Variants in CFAP20DC observed in about 807,000 individuals in gnomAD.
CFAP20DC encodes protein CFAP20DC.
Under a neutral mutation model 101.7 loss-of-function variants are expected in CFAP20DC, and 84 were observed. The ratio of observed to expected loss-of-function variants is 0.83; its 90% CI spans 0.69 to 0.99. CFAP20DC has a LOEUF of 0.99. CFAP20DC is among the 50% of genes least tolerant of loss of function. CFAP20DC has a pLI of 0.00. For missense variants in CFAP20DC, 1,007 were observed against 970.3 expected, an observed-to-expected ratio of 1.04 and a Z score of -0.50; for synonymous variants, 359 against 351.2, an observed-to-expected ratio of 1.02 and a Z score of -0.25.
intron 13 of CFAP20DC, among the ~76,000 whole-genome samples, chr3:58,848,702 G>T (rs1185582490): frequency 6.6e-6 from 1 of 152,052 alleles, no homozygotes; most frequent in East Asian, 1.9e-4. Flanking sequence ...GCAAGCTTTT[G>T]GCTCAAAAAT....
At chr3:58,765,490 CA>C (rs1337049385) in intron 15 of CFAP20DC, among the ~76,000 whole-genome samples, 1,485 of 81,780 alleles carry the variant, frequency 0.018, 29 homozygotes, top group African/African-American at 0.056. Context: ...AAAAAAAAAC[CA>C]AAAAAAAAAA....
In CFAP20DC at chr3:59,046,213, T is replaced by G. The variant is rs755282687; in HGVS notation, c.205+16A>C. On this transcript the variant is annotated intron_variant, in intron 3 of 16. Coordinates refer to ENST00000482387, the MANE Select transcript of CFAP20DC (RefSeq NM_001394063.1). ...AGTACAAAATGTTAAGTTTCAATAT[T>G]AAAAATATTACTTACGGCTTTGCTT... 2 of 1,501,538 alleles carry G rather than the reference T, an allele frequency of 1.3e-6. No homozygotes were observed. The highest frequency in any genetic ancestry group is 2.8e-5 in the African/African-American group (2 of 72,278). The allele number at this position is 1,501,538 out of a possible 1,614,324, so 93.0% of individuals were successfully genotyped here.
rs1273650787 is a variant in CFAP20DC, at chr3:58,717,843, C to T, written c.198-215G>A. On this transcript the variant is annotated intron_variant, in intron 3 of 3. Transcript: ENST00000486145. This position sits in a 1 kb window ranked among gnomAD's most constrained non-coding sequence, Gnocchi z 4.1. Reference sequence around the variant, plus strand: ...GGAGGGCGTATTCTAACTGGGTATACTGCAGCCCAAACCAGAGTTGCATTA... The same window carrying T: ...GGAGGGCGTATTCTAACTGGGTATATTGCAGCCCAAACCAGAGTTGCATTA... Among the ~76,000 whole-genome samples the T allele has an allele frequency of 2.0e-5, 3 of 152,112 alleles. No homozygotes were observed. The highest frequency in any genetic ancestry group is 7.2e-5 in the African/African-American group (3 of 41,420).
Position 59,007,687 on chromosome 3 carries a change from A to G in CFAP20DC, c.278+31870T>C, listed in dbSNP as rs2093470094. On this transcript the variant is annotated intron_variant, in intron 4 of 16. Transcript: ENST00000482387. This position sits in a 1 kb window ranked among gnomAD's most constrained non-coding sequence, Gnocchi z 4.4. Reference sequence around the variant, plus strand: ...GAGACCTGACGACAGATCACATCACAGGACTCTTTGCAGACATTCCCCAGC... The same window carrying G: ...GAGACCTGACGACAGATCACATCACGGGACTCTTTGCAGACATTCCCCAGC... Among the ~76,000 whole-genome samples the G allele has an allele frequency of 6.6e-6, 1 of 152,170 alleles. No homozygotes were observed. Among genetic ancestry groups the G allele is most frequent in the African/African-American group, 2.4e-5 (1 of 41,440 alleles).
chr3:58,943,957 C>T (rs918005025), intron 4 of CFAP20DC, among the ~76,000 whole-genome samples: 18 of 151,488 alleles, frequency 1.2e-4, no homozygotes, highest in African/African-American at 4.4e-4. Flanking sequence ...ATCAATCAAG[C>T]GGAAGAAAGG....
chr3:58,808,727 A>T (rs1575702942), intron 14 of CFAP20DC, among the ~76,000 whole-genome samples: 1 of 152,342 alleles, frequency 6.6e-6, no homozygotes, highest in South Asian at 2.1e-4. Context: ...TTAACCTTAA[A>T]TGTAAATGGA....
Position 58,799,097 on chromosome 3 carries a change from T to C in CFAP20DC, c.2237+7298A>G, listed in dbSNP as rs1484127938. Among the ~76,000 whole-genome samples the C allele has an allele frequency of 1.3e-5, 2 of 152,086 alleles. No individual in the cohort carries two copies. Among genetic ancestry groups the C allele is most frequent in the Admixed American group, 1.3e-4 (2 of 15,264 alleles). On this transcript the variant is annotated intron_variant, in intron 15 of 16. Transcript: ENST00000482387. The surrounding 1 kb of genome is among the most constrained non-coding windows in gnomAD (Gnocchi z 4.9). ...ATGTGTATATATGTATGTGTATGCATATAAATAATGGTTTTTTTTTTCTAT... is the reference window on the plus strand; with the variant it reads ...ATGTGTATATATGTATGTGTATGCACATAAATAATGGTTTTTTTTTTCTAT...
Position 58,859,835 on chromosome 3 carries a change from A to C in CFAP20DC, c.1593+3723T>G, listed in dbSNP as rs980014556. Among the ~76,000 whole-genome samples, 2 of 152,194 alleles carry C rather than the reference A, an allele frequency of 1.3e-5. No homozygotes were observed. The highest frequency in any genetic ancestry group is 3.9e-4 in the East Asian group (2 of 5,194). Reference sequence around the variant, plus strand: ...AATATAAGAAGACTACTGTCAACTAAATATTCCTTTCCACCGTGTGTATGT... The same window carrying C: ...AATATAAGAAGACTACTGTCAACTACATATTCCTTTCCACCGTGTGTATGT... On this transcript the variant is annotated intron_variant, in intron 12 of 16. Transcript: ENST00000482387. This position sits in a 1 kb window ranked among gnomAD's most constrained non-coding sequence, Gnocchi z 4.1.
chr3:58,904,829 T>A (rs1443092092), intron 6 of CFAP20DC, among the ~76,000 whole-genome samples: 1 of 152,200 alleles, frequency 6.6e-6, no homozygotes, highest in East Asian at 1.9e-4. Flanking sequence ...AGGCTAGATG[T>A]CAGTGTTTCT....
chr3:58,973,901 A>G (rs1375232493), intron 4 of CFAP20DC, among the ~76,000 whole-genome samples: 1 of 152,066 alleles, frequency 6.6e-6, no homozygotes, highest in East Asian at 1.9e-4. Context: ...GAGGGAAGGA[A>G]TACCCTGGCT....
intron 12 of CFAP20DC, among the ~76,000 whole-genome samples, chr3:58,855,061 G>A (rs1481321188): frequency 2.0e-5 from 3 of 148,318 alleles, no homozygotes; most frequent in Non-Finnish European, 4.5e-5. Context: ...CCTACAAAAT[G>A]GGAGAAAATT....
Position 58,799,253 on chromosome 3 carries a change from G to A in CFAP20DC, c.2237+7142C>T, listed in dbSNP as rs2073485638. ...CGTGTGAATAGGCCCATACAAATAA[G>A]CAACTGCCAGTAAGAATACAGGGCG... On this transcript the variant is annotated intron_variant, in intron 15 of 16. Coordinates refer to ENST00000482387, the MANE Select transcript of CFAP20DC (RefSeq NM_001394063.1). The surrounding 1 kb of genome is among the most constrained non-coding windows in gnomAD (Gnocchi z 4.9). 6.6e-6 allele frequency among the ~76,000 whole-genome samples: 1 copy of A among 152,016 alleles called. No individual in the cohort carries two copies. The highest frequency in any genetic ancestry group is 6.6e-5 in the Admixed American group (1 of 15,250).
rs1408146880 is a variant in CFAP20DC, at chr3:59,002,787, T to G, written c.278+36770A>C. Among the ~76,000 whole-genome samples the G allele has an allele frequency of 6.6e-6, 1 of 152,216 alleles. No individual in the cohort carries two copies. Among genetic ancestry groups the G allele is most frequent in the East Asian group, 1.9e-4 (1 of 5,200 alleles). ...TATAAAAAAGAGAGCATTTGTGACC[T>G]TCTTTTAACAAGAACTAGTATTTGC... On this transcript the variant is annotated intron_variant, in intron 4 of 16. Coordinates refer to ENST00000482387, the MANE Select transcript of CFAP20DC (RefSeq NM_001394063.1). This position sits in a 1 kb window ranked among gnomAD's most constrained non-coding sequence, Gnocchi z 4.5.
chr3:58,838,834 T>C (rs1172305757), intron 13 of CFAP20DC, among the ~76,000 whole-genome samples: 1 of 152,172 alleles, frequency 6.6e-6, no homozygotes, highest in African/African-American at 2.4e-5. Context: ...CAATTAACTA[T>C]ACACTAGAAG....
At chr3:58,918,381 C>G (rs1004080326) in intron 5 of CFAP20DC, among the ~76,000 whole-genome samples, 1 of 152,134 alleles carries the variant, frequency 6.6e-6, no homozygotes, top group Non-Finnish European at 1.5e-5. Flanking sequence ...TCCTGTCACT[C>G]CTACAGATGC....
chr3:58,866,765 T>G, intron 10 of CFAP20DC, 77 bp from the exon 11 acceptor site: 1 of 935,178 alleles, frequency 1.1e-6, no homozygotes. Flanking sequence ...AATGGTTTAC[T>G]TTGGTATACT....
At chr3:58,834,602 C>G (rs556488722) in intron 13 of CFAP20DC, among the ~76,000 whole-genome samples, 1 of 152,126 alleles carries the variant, frequency 6.6e-6, no homozygotes, top group Non-Finnish European at 1.5e-5. Context: ...CCTGGGCCTT[C>G]GTTCCACCAC....
At chr3:58,880,533 G>A (rs893232136) in intron 7 of CFAP20DC, among the ~76,000 whole-genome samples, 18 of 152,020 alleles carry the variant, frequency 1.2e-4, no homozygotes, top group Admixed American at 9.2e-4. Flanking sequence ...TGTAAAAATA[G>A]GTATGAGTCA....
At chr3:59,018,597 AT>A (rs1324016836) in intron 4 of CFAP20DC, 1 of 152,100 alleles carries the variant, frequency 6.6e-6, no homozygotes, top group Non-Finnish European at 1.5e-5. Flanking sequence ...GACAAACTCA[AT>A]TAAGGGGCAT....
Sources: allele counts gnomAD v4.1 joint callset (sites outside exome capture counted in the v4.1 genomes callset), GRCh38; gene constraint gnomAD v4.1.1; non-coding constraint Gnocchi (gnomAD v3.1); transcripts MANE v1.5; gene names NCBI Gene and HGNC (gene_info 2026-07-23, HGNC 2026-07-21).